RANBP2: variants seen among roughly 807,000 people sequenced by gnomAD.
RANBP2 encodes E3 SUMO-protein ligase RanBP2.
A neutral mutation model predicts 303.6 loss-of-function variants in RANBP2; 57 were observed. The observed-to-expected ratio is 0.19, with a 90% CI of 0.15 to 0.23. RANBP2 has a LOEUF of 0.23. Ranked by LOEUF, RANBP2 falls within the 10% of genes least tolerant of loss-of-function variation. RANBP2 has a pLI of 1.00. For synonymous variants in RANBP2, 1,167 were observed against 1,301.5 expected (o/e 0.90, Z 2.23); for missense variants, 3,138 against 3,780.8 (o/e 0.83, Z 4.46).
At chr2:109,228,270 C>G in the RANBP2 span, among the ~76,000 whole-genome samples, 1 of 152,160 alleles carries the variant, frequency 6.6e-6, no homozygotes. Context: ...TGTCTATCCC[C>G]CAAAGGCTTT....
At chr2:109,001,579 C>T in the RANBP2 span, among the ~76,000 whole-genome samples, 1 of 152,246 alleles carries the variant, frequency 6.6e-6, no homozygotes, top group East Asian at 1.9e-4. Context: ...CTGACTGCCA[C>T]GTTGTGGCCC....
chr2:109,434,497 T>A, the RANBP2 span, among the ~76,000 whole-genome samples: 1 of 152,216 alleles, frequency 6.6e-6, no homozygotes, highest in Non-Finnish European at 1.5e-5. Context: ...CTGACGTGTG[T>A]CAGTCAGTGT....
At chr2:109,674,155 G>C in the RANBP2 span, among the ~76,000 whole-genome samples, 1 of 151,766 alleles carries the variant, frequency 6.6e-6, no homozygotes, top group East Asian at 1.9e-4. Flanking sequence ...GTTGTTTCTT[G>C]ATGCCAGCTT....
the RANBP2 span, among the ~76,000 whole-genome samples, chr2:109,764,520 G>C: frequency 6.7e-6 from 1 of 149,834 alleles, no homozygotes; most frequent in Non-Finnish European, 1.5e-5. Context: ...GCAAGGATGA[G>C]TAAGGCGTAG....
chr2:108,915,492 T>C, the RANBP2 span, among the ~76,000 whole-genome samples: 2 of 152,236 alleles, frequency 1.3e-5, no homozygotes, highest in African/African-American at 4.8e-5. Context: ...TGATGTTTCC[T>C]TGTGTTTCTG....
chr2:109,354,790 C>T, the RANBP2 span, among the ~76,000 whole-genome samples: 1 of 152,216 alleles, frequency 6.6e-6, no homozygotes, highest in Non-Finnish European at 1.5e-5. Context: ...TTTCCTTCTC[C>T]CCAGGTGGAA....
chr2:109,728,244 G>A, the RANBP2 span, among the ~76,000 whole-genome samples: 1 of 151,996 alleles, frequency 6.6e-6, no homozygotes, highest in South Asian at 2.1e-4. Flanking sequence ...GCTTCTTCAG[G>A]CCCAGTCAAG....
chr2:109,380,003 C>T, the RANBP2 span, among the ~76,000 whole-genome samples: 3 of 152,014 alleles, frequency 2.0e-5, no homozygotes, highest in Non-Finnish European at 4.4e-5. Context: ...ATTGGATTAA[C>T]GACATAAAGA....
the RANBP2 span, among the ~76,000 whole-genome samples, chr2:109,224,950 ACTG>A: frequency 6.6e-6 from 1 of 152,294 alleles, no homozygotes; most frequent in Admixed American, 6.5e-5. Flanking sequence ...CAGCTAGAGA[ACTG>A]CAGCATAACC....
the RANBP2 span, among the ~76,000 whole-genome samples, chr2:109,196,057 G>C: frequency 2.0e-5 from 3 of 152,220 alleles, no homozygotes; most frequent in Admixed American, 2.0e-4. Context: ...AGGTGATGTC[G>C]AAGGGCTCCA....
chr2:109,564,456 T>C, the RANBP2 span: 1 of 1,597,358 alleles, frequency 6.3e-7, no homozygotes, highest in Non-Finnish European at 8.6e-7. Context: ...GGTATGGGTC[T>C]GCTCTCGCAG....
At chr2:109,546,716 T>C in the RANBP2 span, among the ~76,000 whole-genome samples, 2 of 152,194 alleles carry the variant, frequency 1.3e-5, no homozygotes, top group African/African-American at 2.4e-5. Flanking sequence ...AATTGTCAAC[T>C]ATGTCAAGAA....
At chr2:109,633,419 CA>C in the RANBP2 span, among the ~76,000 whole-genome samples, 5 of 150,838 alleles carry the variant, frequency 3.3e-5, no homozygotes, top group Non-Finnish European at 5.9e-5. Context: ...CAAAACAAAA[CA>C]AAACAAAAAA....
At chr2:109,553,302 T>C in the RANBP2 span, 3 of 1,460,170 alleles carry the variant, frequency 2.1e-6, no homozygotes, top group Non-Finnish European at 2.8e-6. Context: ...CCCAACACTT[T>C]GGGAGGCCGA....
At chr2:108,960,169 C>G in the RANBP2 span, among the ~76,000 whole-genome samples, 5 of 152,188 alleles carry the variant, frequency 3.3e-5, no homozygotes, top group African/African-American at 9.7e-5. Flanking sequence ...CTGGCTCAGT[C>G]TGGCCTGGGT....
chr2:109,339,553 C>T, the RANBP2 span, among the ~76,000 whole-genome samples: 2 of 152,184 alleles, frequency 1.3e-5, no homozygotes, highest in Non-Finnish European at 1.5e-5. Flanking sequence ...ATGGGGCCGA[C>T]CAGGCATCAG....
At chr2:109,192,581 A>G in the RANBP2 span, among the ~76,000 whole-genome samples, 1 of 152,216 alleles carries the variant, frequency 6.6e-6, no homozygotes, top group African/African-American at 2.4e-5. Flanking sequence ...TTCTGTCTTG[A>G]AACGGCATGG....
the RANBP2 span, among the ~76,000 whole-genome samples, chr2:109,066,271 G>T: frequency 1.2e-4 from 19 of 152,176 alleles, no homozygotes; most frequent in African/African-American, 4.1e-4. Flanking sequence ...ACCACACCTG[G>T]CTAATTTTTG....
the RANBP2 span, among the ~76,000 whole-genome samples, chr2:109,030,946 T>C: frequency 6.6e-6 from 1 of 152,340 alleles, no homozygotes; most frequent in African/African-American, 2.4e-5. Context: ...ATAATTGGTA[T>C]ATATACTCAT....
Sources: gnomAD v4.1 joint callset for allele counts (sites outside exome capture counted in the v4.1 genomes callset) on GRCh38, gnomAD v4.1.1 for gene constraint, MANE v1.5 for transcripts, NCBI Gene and HGNC (gene_info 2026-07-23, HGNC 2026-07-21) for gene names.